CCDC30: variants seen among roughly 807,000 people sequenced by gnomAD.
CCDC30 encodes coiled-coil domain-containing protein 30.
A neutral mutation model predicts 100.2 loss-of-function variants in CCDC30; 70 were observed. That is an observed-to-expected ratio of 0.70 (90% confidence interval 0.58 to 0.85). The LOEUF is 0.85. Among genes scored for constraint, CCDC30 ranks in the 40% least tolerant of loss-of-function variants. The pLI, the probability that CCDC30 is intolerant of heterozygous loss-of-function variation, is 0.00. For synonymous variants in CCDC30, 233 were observed against 269.5 expected, an observed-to-expected ratio of 0.86 and a Z score of 1.33; for missense variants, 652 against 771.2, an observed-to-expected ratio of 0.85 and a Z score of 1.83.
At position 42,627,696 on chromosome 1, in the gene CCDC30, G is replaced by A. The variant is rs117066025; in HGVS notation, c.1278-9541G>A. On this transcript the variant is annotated intron_variant, in intron 11 of 16. Coordinates refer to ENST00000668663, the Ensembl canonical transcript of CCDC30. ...AAGGGGCCAACTTAGCACTTGGGCTGTGGCTTCAGAGGGTAGAAGCTTCAA... is the reference window on the plus strand; with the variant it reads ...AAGGGGCCAACTTAGCACTTGGGCTATGGCTTCAGAGGGTAGAAGCTTCAA... 2.2e-4 allele frequency among the ~76,000 whole-genome samples: 33 copies of A among 152,332 alleles called. 1 individual carries two copies. In the East Asian group the frequency reaches 6.4e-3, roughly 29 times the overall value.
intron 1 of CCDC30, among the ~76,000 whole-genome samples, chr1:42,471,856 A>G (rs953481995): frequency 6.6e-6 from 1 of 150,944 alleles, no homozygotes; most frequent in Non-Finnish European, 1.5e-5. Context: ...AAACTTAGCA[A>G]TCAAGGAGAA....
chr1:42,549,867 C>CTTCCTTGACCTTAATGAGCTTTG (rs1645214803), intron 6 of CCDC30, among the ~76,000 whole-genome samples: 1 of 152,178 alleles, frequency 6.6e-6, no homozygotes, highest in South Asian at 2.1e-4. Context: ...CAGCCAGTGG[C>CTTCCTTGACCTTAATGAGCTTTG]TTCCTTGACC....
chr1:42,547,492 G>A (rs1645167815), intron 6 of CCDC30, among the ~76,000 whole-genome samples: 1 of 152,202 alleles, frequency 6.6e-6, no homozygotes, highest in East Asian at 1.9e-4. Flanking sequence ...GTGATTTTGG[G>A]TAATTGGCAG....
Position 42,539,168 on chromosome 1 carries a change from A to G in CCDC30, c.457-27128A>G. On this transcript the variant is annotated intron_variant, in intron 6 of 16. Transcript: ENST00000668663. ...TTCTACTAAATGTCTTCATTTCTTA[A>G]TCAGGAATTGCAAAAATCAAAGTCA... The G allele has an allele frequency of 6.4e-7, 1 of 1,565,136 alleles. No individual in the cohort carries two copies. The highest frequency in any genetic ancestry group is 8.7e-7 in the Non-Finnish European group (1 of 1,154,852).
intron 10 of CCDC30, among the ~76,000 whole-genome samples, chr1:42,601,088 C>G (rs1283220592): frequency 6.6e-6 from 1 of 152,104 alleles, no homozygotes; most frequent in Non-Finnish European, 1.5e-5. Flanking sequence ...AACTAGAAAT[C>G]AGTAACAGAA....
intron 6 of CCDC30, among the ~76,000 whole-genome samples, chr1:42,557,297 AAGG>A (rs1287316019): frequency 6.6e-6 from 1 of 152,218 alleles, no homozygotes; most frequent in Non-Finnish European, 1.5e-5. Flanking sequence ...ATTTACCTGA[AAGG>A]AGATTTAGAT....
At chr1:42,650,490 A>AAT (rs111457240) in intron 15 of CCDC30, among the ~76,000 whole-genome samples, 32,932 of 129,226 alleles carry the variant, frequency 0.25, 4,099 homozygotes, top group Admixed American at 0.29. Flanking sequence ...TGTCTAAAAA[A>AAT]ATATATATGT....
At chr1:42,486,999 C>G (rs1048060408) in intron 3 of CCDC30, among the ~76,000 whole-genome samples, 1 of 150,380 alleles carries the variant, frequency 6.6e-6, no homozygotes, top group Non-Finnish European at 1.5e-5. Context: ...TAGCTGGGCA[C>G]AGTAGCACAT....
At chr1:42,514,714 C>T (rs901539454) in intron 6 of CCDC30, among the ~76,000 whole-genome samples, 21 of 152,090 alleles carry the variant, frequency 1.4e-4, no homozygotes, top group African/African-American at 3.9e-4. Flanking sequence ...AGTGCAATGG[C>T]GAGATCTCAG....
intron 1 of CCDC30, chr1:42,473,146 C>T (rs1643823531): frequency 8.1e-7 from 1 of 1,229,360 alleles, no homozygotes; most frequent in Non-Finnish European, 1.0e-6. Context: ...AGAAGACATA[C>T]TTCACCATCT....
intron 6 of CCDC30, among the ~76,000 whole-genome samples, chr1:42,507,053 A>G (rs568895578): frequency 6.6e-6 from 1 of 152,096 alleles, no homozygotes; most frequent in Admixed American, 6.6e-5. Flanking sequence ...CAGCCTCCCA[A>G]GTAGTTGGGA....
chr1:42,613,960 C>T (rs1415525767), intron 11 of CCDC30, among the ~76,000 whole-genome samples: 3 of 152,162 alleles, frequency 2.0e-5, no homozygotes, highest in Non-Finnish European at 2.9e-5. Flanking sequence ...TCAAATGCCT[C>T]TGACACTACC....
At chr1:42,613,872 T>C (rs1646674018) in intron 11 of CCDC30, among the ~76,000 whole-genome samples, 1 of 152,144 alleles carries the variant, frequency 6.6e-6, no homozygotes, top group Admixed American at 6.5e-5. Context: ...TGATTAAGAA[T>C]GCCTAACTCA....
intron 15 of CCDC30, among the ~76,000 whole-genome samples, chr1:42,648,739 G>A (rs549830570): frequency 6.6e-6 from 1 of 151,372 alleles, no homozygotes; most frequent in Admixed American, 6.6e-5. Flanking sequence ...GAACAATATA[G>A]AAGATCAATG....
At chr1:42,456,836 C>T in the CCDC30 span, 4 of 1,613,548 alleles carry the variant, frequency 2.5e-6, no homozygotes, top group South Asian at 3.3e-5. Context: ...CTCTGCCTTC[C>T]CCTATGCCCA....
chr1:42,529,158 T>C (rs1350009646), intron 6 of CCDC30, among the ~76,000 whole-genome samples: 2 of 152,228 alleles, frequency 1.3e-5, no homozygotes, highest in East Asian at 1.9e-4. Flanking sequence ...TTTTTAAAGA[T>C]GTTAGCAAGT....
In CCDC30 at chr1:42,637,234, T is replaced by C. The variant is rs757386352; in HGVS notation, c.1278-3T>C. 1.6e-5 allele frequency: 26 copies of C among 1,578,952 alleles called. No individual in the cohort carries two copies. Among genetic ancestry groups the C allele is most frequent in the Non-Finnish European group, 2.1e-5 (25 of 1,170,604 alleles). The stretch of plus-strand genomic sequence containing the variant: ...GTGTCTAAACTCAAATTTACTTTTA[T>C]AGAAACTATAATGAGAAACATCACC... On this transcript the variant is annotated splice_region_variant and splice_polypyrimidine_tract_variant and intron_variant, in intron 11 of 16. Transcript: ENST00000668663.
At chr1:42,527,298 A>G (rs1167136677) in intron 6 of CCDC30, among the ~76,000 whole-genome samples, 1 of 152,208 alleles carries the variant, frequency 6.6e-6, no homozygotes, top group African/African-American at 2.4e-5. Flanking sequence ...GGGTATTTGT[A>G]ACACAGAAAG....
At chr1:42,578,894 C>T (rs920745264) in intron 8 of CCDC30, among the ~76,000 whole-genome samples, 3 of 152,178 alleles carry the variant, frequency 2.0e-5, no homozygotes, top group Non-Finnish European at 4.4e-5. Context: ...GTTCTTTCCC[C>T]CACTTTGTAT....
Sources: gnomAD v4.1 joint callset for allele counts (sites outside exome capture counted in the v4.1 genomes callset) on GRCh38, gnomAD v4.1.1 for gene constraint, MANE v1.5 for transcripts, NCBI Gene and HGNC (gene_info 2026-07-23, HGNC 2026-07-21) for gene names.